The following COLGALT2 variants were observed in gnomAD, a reference collection of about 807,000 sequenced individuals.
The protein encoded by COLGALT2 is procollagen galactosyltransferase 2.
Under a neutral mutation model 73.4 loss-of-function variants are expected in COLGALT2, and 49 were observed. The ratio of observed to expected loss-of-function variants is 0.67; its 90% CI spans 0.53 to 0.85. The LOEUF (loss-of-function observed/expected upper bound fraction) is 0.85. Ranked by LOEUF, COLGALT2 falls within the 40% of genes least tolerant of loss-of-function variation. The probability of loss-of-function intolerance (pLI) is 0.00; values close to 1 mark genes in which losing one functional copy is unlikely to be tolerated. For synonymous variants in COLGALT2, 295 were observed against 307.6 expected (o/e 0.96, Z 0.43); for missense variants, 722 against 790.2 (o/e 0.91, Z 1.03).
chr1:183,975,798 T>C (rs563482243), intron 2 of COLGALT2, among the ~76,000 whole-genome samples: 1 of 152,348 alleles, frequency 6.6e-6, no homozygotes, highest in East Asian at 1.9e-4. Flanking sequence ...GACTCCTTCA[T>C]GGCCACATAG....
chr1:183,964,163 C>A, intron 5 of COLGALT2, 143 bp from the exon 6 acceptor site: 1 of 763,170 alleles, frequency 1.3e-6, no homozygotes, highest in Non-Finnish European at 2.0e-6. Flanking sequence ...TGTCTATAGA[C>A]CTAAAAAATG....
intron 1 of COLGALT2, among the ~76,000 whole-genome samples, chr1:184,016,807 T>C (rs1344113407): frequency 6.6e-6 from 1 of 152,298 alleles, no homozygotes; most frequent in East Asian, 1.9e-4. Flanking sequence ...CAGAAAAATA[T>C]TTTATTAGTT....
intron 7 of COLGALT2, 33 bp downstream of exon 7, chr1:183,954,729 G>A (rs564699958): frequency 4.7e-6 from 7 of 1,500,608 alleles, no homozygotes; most frequent in African/African-American, 1.4e-5. Flanking sequence ...GCACACGCGT[G>A]CATGTGCACA....
In COLGALT2 at chr1:183,944,369, C is replaced by T. The variant is rs747706437; in HGVS notation, c.1270-46G>A. ...AAGATACCCTATGAAAAGTTTGAAA[C>T]CCAATTTTTATTAGATAAATAAGTA... On this transcript the variant is annotated intron_variant, in intron 9 of 11. Coordinates refer to ENST00000361927, the MANE Select transcript of COLGALT2 (RefSeq NM_015101.4). 6 of 1,574,048 alleles carry T rather than the reference C, an allele frequency of 3.8e-6. No individual in the cohort carries two copies. In the African/African-American group the frequency reaches 6.9e-5, roughly 18 times the overall value.
chr1:183,944,389 T>C (rs1670194917), intron 9 of COLGALT2, 66 bp from the exon 10 acceptor site: 1 of 1,546,438 alleles, frequency 6.5e-7, no homozygotes, highest in African/African-American at 1.4e-5. Flanking sequence ...ATTAGATAAA[T>C]AAGTATTAAA....
intron 10 of COLGALT2, among the ~76,000 whole-genome samples, chr1:183,941,170 G>A (rs187973721): frequency 1.2e-4 from 19 of 152,352 alleles, no homozygotes; most frequent in Admixed American, 2.6e-4. Flanking sequence ...TGAGGCTGCT[G>A]TCTTCAGGTC....
At chr1:183,930,851 A>G (rs981477790), downstream of COLGALT2, among the ~76,000 whole-genome samples, 2 of 152,098 alleles carry the variant, frequency 1.3e-5, no homozygotes, top group Non-Finnish European at 2.9e-5. Flanking sequence ...AAAAAAAGAA[A>G]CCTAGGAAAT....
intron 1 of COLGALT2, among the ~76,000 whole-genome samples, chr1:184,034,414 A>G (rs1649609402): frequency 1.3e-5 from 2 of 152,232 alleles, no homozygotes; most frequent in Admixed American, 1.3e-4. Flanking sequence ...TCAAGAAGAC[A>G]TCCATATCCA....
intron 8 of COLGALT2, among the ~76,000 whole-genome samples, chr1:183,949,472 C>T (rs774798187): frequency 3.9e-5 from 6 of 152,104 alleles, no homozygotes; most frequent in Non-Finnish European, 5.9e-5. Context: ...GACAATTCTA[C>T]GAGGGAAACG....
chr1:184,011,503 A>G (rs1648786833), intron 1 of COLGALT2, among the ~76,000 whole-genome samples: 1 of 152,172 alleles, frequency 6.6e-6, no homozygotes, highest in South Asian at 2.1e-4. Context: ...GCCATCTGCT[A>G]CATAGGAAAC....
chr1:183,957,985 C>T (rs1670598318), intron 6 of COLGALT2, among the ~76,000 whole-genome samples: 1 of 151,970 alleles, frequency 6.6e-6, no homozygotes, highest in Non-Finnish European at 1.5e-5. Context: ...CTTCCTATCA[C>T]CTTATGCTGT....
At chr1:183,969,170 C>A (rs4651158) in intron 5 of COLGALT2, 99 bp downstream of exon 5, 695,489 of 1,019,050 alleles carry the variant, frequency 0.68, 240,841 homozygotes, top group East Asian at 0.87. Context: ...CACTACCAGA[C>A]ATATGAGGGT....
Position 183,976,777 on chromosome 1 carries a change from G to A in COLGALT2, c.375-1563C>T, listed in dbSNP as rs190555490. 4.1e-4 allele frequency among the ~76,000 whole-genome samples: 62 copies of A among 152,206 alleles called. 1 individual carries two copies. In the Middle Eastern group the frequency reaches 0.01, roughly 25 times the overall value. Reference sequence around the variant, plus strand: ...TGCATAGGGGGAAAATGTTGGTTGCGTATATCATTGTGCCAAAAAGGATGA... The same window carrying A: ...TGCATAGGGGGAAAATGTTGGTTGCATATATCATTGTGCCAAAAAGGATGA... On this transcript the variant is annotated intron_variant, in intron 2 of 11. Transcript: ENST00000361927.
Position 183,975,143 on chromosome 1 carries a change from T to G in COLGALT2, c.446A>C (p.Gln149Pro), listed in dbSNP as rs368889601. Residue 149 changes from glutamine (Q) to proline (P), a missense_variant, in exon 3 of 12, where the codon CAG (glutamine) becomes CCG (proline). Transcript: ENST00000361927. ...TTCCCTCGCAGTTCGAAGGGCTGCC[T>G]GTCGTAGTTTCATCACATGGGCAAA... ...SRFAHVMKLR[Q>P]AALRTAREKW... The G allele has an allele frequency of 1.8e-5, 29 of 1,614,056 alleles. No individual in the cohort carries two copies. The highest frequency in any genetic ancestry group is 2.4e-5 in the Non-Finnish European group (28 of 1,180,002).
At position 183,937,336 on chromosome 1, in the gene COLGALT2, A is replaced by G. The variant is rs1669982357; in HGVS notation, c.*1425T>C. The G allele has an allele frequency of 2.9e-6, 3 of 1,040,704 alleles. No homozygotes were observed. The highest frequency in any genetic ancestry group is 3.5e-6 in the Non-Finnish European group (3 of 866,812). 64.5% of individuals were successfully genotyped at this position (1,040,704 alleles called of 1,614,324 possible). On this transcript the variant is annotated 3_prime_UTR_variant, in exon 12 of 12. Coordinates refer to ENST00000361927, the MANE Select transcript of COLGALT2 (RefSeq NM_015101.4). Reference sequence around the variant, plus strand: ...TTGAGGGCATGAGAACATAAACTTGAGGGAAACCACCATGATCTATACTAG... The same window carrying G: ...TTGAGGGCATGAGAACATAAACTTGGGGGAAACCACCATGATCTATACTAG...
intron 1 of COLGALT2, among the ~76,000 whole-genome samples, chr1:183,980,725 T>C (rs1265501786): frequency 2.0e-5 from 3 of 151,742 alleles, no homozygotes; most frequent in Admixed American, 2.0e-4. Context: ...AATATTGATG[T>C]CTAAACCTTA....
chr1:183,998,563 C>T lies in COLGALT2; in HGVS notation c.264-20043G>A, dbSNP rs528766828. ...TTTGAATGACTTGAGTATTCTTGGT[C>T]CTTTGTTCTTTCAAATAAATCTTAT... On this transcript the variant is annotated intron_variant, in intron 1 of 11. Transcript: ENST00000361927. Among the ~76,000 whole-genome samples, 9 of 152,118 alleles carry T rather than the reference C, an allele frequency of 5.9e-5. No individual in the cohort carries two copies. The East Asian group carries it at 1.5e-3, about 26-fold the overall frequency.
At chr1:183,984,059 C>A (rs1211885770) in intron 1 of COLGALT2, among the ~76,000 whole-genome samples, 1 of 152,176 alleles carries the variant, frequency 6.6e-6, no homozygotes, top group Non-Finnish European at 1.5e-5. Context: ...TGGATTCACA[C>A]CTAAATCAAC....
Position 183,937,087 on chromosome 1 carries a change from C to T in COLGALT2, c.*1674G>A, listed in dbSNP as rs977830404. ...GGCAGTGAACTGAAGAATTAGGTGTCTGGCTTAAAGTGTATCTTACACTCG... is the reference window on the plus strand; with the variant it reads ...GGCAGTGAACTGAAGAATTAGGTGTTTGGCTTAAAGTGTATCTTACACTCG... On this transcript the variant is annotated 3_prime_UTR_variant, in exon 12 of 12. Coordinates refer to ENST00000361927, the MANE Select transcript of COLGALT2 (RefSeq NM_015101.4). 12 of 1,231,076 alleles carry T rather than the reference C, an allele frequency of 9.7e-6. No individual in the cohort carries two copies. The African/African-American group carries it at 1.2e-4, about 13-fold the overall frequency. 76.3% of individuals were successfully genotyped at this position (1,231,076 alleles called of 1,614,324 possible). A position where few individuals can be genotyped will look rare whatever the true frequency, so the allele number is the denominator to read the frequency against.
Sources: allele counts gnomAD v4.1 joint callset (sites outside exome capture counted in the v4.1 genomes callset), GRCh38; gene constraint gnomAD v4.1.1; transcripts MANE v1.5; gene names NCBI Gene and HGNC (gene_info 2026-07-23, HGNC 2026-07-21).